Variants in PKP2 observed in about 807,000 individuals in gnomAD.
The protein encoded by PKP2 is plakophilin 2, also known as plakophilin-2.
PKP2 carries 73 observed loss-of-function variants against 83.4 expected under a neutral mutation model. That is an observed-to-expected ratio of 0.88 (90% confidence interval 0.72 to 1.06). The LOEUF (loss-of-function observed/expected upper bound fraction) is 1.06, where lower values mean the gene tolerates loss of function less well. PKP2 is among the 50% of genes least tolerant of loss of function. The probability of loss-of-function intolerance (pLI) is 0.00; values close to 1 mark genes in which losing one functional copy is unlikely to be tolerated. For missense variants in PKP2, 966 were observed against 1,065.4 expected (o/e 0.91, Z 1.30); for synonymous variants, 409 against 430.4 (o/e 0.95, Z 0.62).
chr12:32,834,434 T>C (rs1200700687), intron 6 of PKP2, among the ~76,000 whole-genome samples: 3 of 151,738 alleles, frequency 2.0e-5, no homozygotes, highest in Non-Finnish European at 2.9e-5. Flanking sequence ...TGCGGAAGAG[T>C]CTTGGGGACT....
chr12:32,804,617 CAAAGGACATG>C (rs1956212119), intron 9 of PKP2, among the ~76,000 whole-genome samples: 1 of 152,206 alleles, frequency 6.6e-6, no homozygotes, highest in Non-Finnish European at 1.5e-5. Flanking sequence ...CATGTCCCTG[CAAAGGACATG>C]ATCTCGTTCC....
At chr12:32,846,297 C>T (rs188078988) in intron 5 of PKP2, among the ~76,000 whole-genome samples, 203 of 152,192 alleles carry the variant, frequency 1.3e-3, no homozygotes, top group African/African-American at 4.7e-3. Context: ...AACACTACCA[C>T]GCTCACTTAG....
chr12:32,872,650 G>A (rs1201047791), intron 3 of PKP2, among the ~76,000 whole-genome samples: 1 of 152,118 alleles, frequency 6.6e-6, no homozygotes, highest in Non-Finnish European at 1.5e-5. Flanking sequence ...CCTGATATTA[G>A]AATATGGCTA....
At chr12:32,847,969 G>T (rs974050031) in intron 5 of PKP2, among the ~76,000 whole-genome samples, 1 of 152,034 alleles carries the variant, frequency 6.6e-6, no homozygotes, top group East Asian at 1.9e-4. Context: ...AATCCACACC[G>T]TCCCTAGGCT....
In PKP2 at chr12:32,805,129, T is replaced by C. The variant is rs193256604; in HGVS notation, c.2014-2573A>G. 5.9e-5 allele frequency among the ~76,000 whole-genome samples: 9 copies of C among 152,146 alleles called. No homozygotes were observed. The East Asian group carries it at 1.3e-3, about 23-fold the overall frequency. On this transcript the variant is annotated intron_variant, in intron 9 of 12. Transcript: ENST00000340811. ...GAGAAGAGTCTGTTCATGTCCTTTG[T>C]CCACTTTTTAATGGGGTTGTTTTTT... is the stretch of plus-strand genomic sequence containing the variant.
chr12:32,855,773 C>CAAAAA (rs11431590), intron 4 of PKP2, among the ~76,000 whole-genome samples: 5 of 46,816 alleles, frequency 1.1e-4, no homozygotes, highest in Middle Eastern at 0.016. Flanking sequence ...GACTCCATCT[C>CAAAAA]AAAAAAAAAA....
At chr12:32,873,984 AG>A (rs1956914108) in intron 3 of PKP2, among the ~76,000 whole-genome samples, 1 of 152,094 alleles carries the variant, frequency 6.6e-6, no homozygotes, top group Non-Finnish European at 1.5e-5. Context: ...CTTTTTCATC[AG>A]TTTGATTTAG....
At position 32,805,075 on chromosome 12, in the gene PKP2, G is replaced by A. The variant is rs58006606; in HGVS notation, c.2014-2519C>T. On this transcript the variant is annotated intron_variant, in intron 9 of 12. Coordinates refer to ENST00000340811, the MANE Select transcript of PKP2 (RefSeq NM_001005242.3). The stretch of plus-strand genomic sequence containing the variant: ...TCAGTGATGTTGAGCTTTTTTTCAC[G>A]TTTGTTAACCACATGTACGTCTTCT... 1.3e-3 allele frequency among the ~76,000 whole-genome samples: 201 copies of A among 150,946 alleles called. 2 individuals carry two copies. Among genetic ancestry groups the A allele is most frequent in the Admixed American group, 1.8e-3 (28 of 15,196 alleles).
Position 32,843,422 on chromosome 12 carries a change from A to G in PKP2, c.1379-2217T>C, listed in dbSNP as rs545416633. ...TGTGGCAAACATCACCTCCCCTGAA[A>G]TAAGAGCCTGTATAGTTAAAGCTTG... On this transcript the variant is annotated intron_variant, in intron 5 of 12. Transcript: ENST00000340811. 3.3e-5 allele frequency: 24 copies of G among 724,630 alleles called. No individual in the cohort carries two copies. In the African/African-American group the frequency reaches 3.9e-4, roughly 12 times the overall value. The allele number at this position is 724,630 out of a possible 1,614,324, so 44.9% of individuals were successfully genotyped here. A position where few individuals can be genotyped will look rare whatever the true frequency, so the allele number is the denominator to read the frequency against.
At chr12:32,879,424 C>G (rs924856681) in intron 1 of PKP2, among the ~76,000 whole-genome samples, 1 of 152,110 alleles carries the variant, frequency 6.6e-6, no homozygotes, top group South Asian at 2.1e-4. Flanking sequence ...CCCAGCTACT[C>G]AGGAGGCTGA....
intron 6 of PKP2, among the ~76,000 whole-genome samples, chr12:32,824,749 G>GT (rs1956419682): frequency 6.6e-6 from 1 of 152,312 alleles, no homozygotes; most frequent in East Asian, 1.9e-4. Flanking sequence ...TTTGCAGTGT[G>GT]TAAGGCTTCA....
Position 32,882,533 on chromosome 12 carries a change from T to C in PKP2, c.224-3501A>G, listed in dbSNP as rs12297042. On this transcript the variant is annotated intron_variant, in intron 1 of 12. Transcript: ENST00000340811. The stretch of plus-strand genomic sequence containing the variant: ...GTAAGAATCTTTGGACAGGACCCAG[T>C]GAAACAGTATCTCCTATCAAATAGC... 5.3e-3 allele frequency among the ~76,000 whole-genome samples: 813 copies of C among 152,290 alleles called. 5 individuals are homozygous for C. Among genetic ancestry groups the C allele is most frequent in the African/African-American group, 0.019 (771 of 41,566 alleles).
intron 5 of PKP2, among the ~76,000 whole-genome samples, chr12:32,848,792 AAATG>A: frequency 6.6e-6 from 1 of 152,304 alleles, no homozygotes; most frequent in Admixed American, 6.5e-5. Flanking sequence ...CCCAAATCTA[AAATG>A]AATGTTGAAT....
chr12:32,823,880 C>T (rs529447706), intron 7 of PKP2, among the ~76,000 whole-genome samples, 165 bp downstream of exon 7: 47 of 152,230 alleles, frequency 3.1e-4, no homozygotes, highest in East Asian at 1.3e-3. Flanking sequence ...GGATTACAGG[C>T]GTGAGCCACC....
Position 32,870,858 on chromosome 12 carries a change from C to T in PKP2, c.1035-1796G>A, listed in dbSNP as rs912914841. On this transcript the variant is annotated intron_variant, in intron 3 of 12. Coordinates refer to ENST00000340811, the MANE Select transcript of PKP2 (RefSeq NM_001005242.3). ...AAGTTTGAATTTCCCATCTCTAACA[C>T]CCACAAATAATTCCACTACTCTAAT... Among the ~76,000 whole-genome samples the T allele has an allele frequency of 3.9e-5, 6 of 152,238 alleles. No individual in the cohort carries two copies. In the South Asian group the frequency reaches 1.2e-3, roughly 32 times the overall value.
chr12:32,796,483 C>T (rs1216666050), intron 10 of PKP2, among the ~76,000 whole-genome samples, 185 bp from the exon 11 acceptor site: 2 of 152,074 alleles, frequency 1.3e-5, no homozygotes, highest in Non-Finnish European at 2.9e-5. Flanking sequence ...CCCGGGTTCA[C>T]GCCATTCTCT....
chr12:32,830,472 T>C (rs974501705), intron 6 of PKP2, among the ~76,000 whole-genome samples: 9 of 152,118 alleles, frequency 5.9e-5, no homozygotes, highest in African/African-American at 1.4e-4. Flanking sequence ...ATAGAGAACA[T>C]TGGGAGGTAG....
At chr12:32,800,666 T>G (rs1247696271) in intron 10 of PKP2, among the ~76,000 whole-genome samples, 3 of 152,150 alleles carry the variant, frequency 2.0e-5, no homozygotes, top group Admixed American at 6.5e-5. Context: ...AGTCAATGCA[T>G]GTTAATTGTA....
intron 9 of PKP2, among the ~76,000 whole-genome samples, chr12:32,817,430 T>C (rs1222555839): frequency 2.0e-5 from 3 of 152,240 alleles, no homozygotes; most frequent in Non-Finnish European, 2.9e-5. Context: ...AAGTCTCTTG[T>C]CCATTTATTT....
Sources: gnomAD v4.1 joint callset for allele counts (sites outside exome capture counted in the v4.1 genomes callset) on GRCh38, gnomAD v4.1.1 for gene constraint, MANE v1.5 for transcripts, NCBI Gene and HGNC (gene_info 2026-07-23, HGNC 2026-07-21) for gene names.